Variants in COL5A1 observed in about 807,000 individuals in gnomAD.
The protein encoded by COL5A1 is collagen type V alpha 1 chain.
Under a neutral mutation model 263.7 loss-of-function variants are expected in COL5A1, and 16 were observed. That is an observed-to-expected ratio of 0.06 (90% confidence interval 0.04 to 0.09). COL5A1 has a LOEUF of 0.09. Among genes scored for constraint, COL5A1 ranks in the 10% least tolerant of loss-of-function variants. The pLI, the probability that COL5A1 is intolerant of heterozygous loss-of-function variation, is 1.00. For missense variants in COL5A1, 2,036 were observed against 2,540.5 expected, an observed-to-expected ratio of 0.80 and a Z score of 4.27; for synonymous variants, 1,012 against 1,004.5, an observed-to-expected ratio of 1.01 and a Z score of -0.14.
Position 134,784,971 on chromosome 9 carries a change from C to A in COL5A1, c.2485-18C>A. ...GTGCGGGGGGTGGTCTTCTCACCTC[C>A]TCTTTTCTGGCTTGCAGGGGGAGAT... is the stretch of plus-strand genomic sequence containing the variant. On this transcript the variant is annotated intron_variant, in intron 29 of 65. Coordinates refer to ENST00000371817, the MANE Select transcript of COL5A1 (RefSeq NM_000093.5). The A allele has an allele frequency of 6.4e-7, 1 of 1,552,576 alleles. No individual in the cohort carries two copies. Among genetic ancestry groups the A allele is most frequent in the Non-Finnish European group, 8.9e-7 (1 of 1,128,200 alleles).
At chr9:134,800,976 A>C (rs1414553969) in intron 37 of COL5A1, among the ~76,000 whole-genome samples, 1 of 152,124 alleles carries the variant, frequency 6.6e-6, no homozygotes, top group East Asian at 1.9e-4. Flanking sequence ...TGTCTCCACC[A>C]GTGTCATGTG....
intron 18 of COL5A1, among the ~76,000 whole-genome samples, chr9:134,760,744 GCA>G (rs1294318708): frequency 8.9e-5 from 9 of 100,950 alleles, no homozygotes; most frequent in South Asian, 3.7e-4. Flanking sequence ...CACCACACAT[GCA>G]CACACACCCC....
chr9:134,708,422 G>C (rs116312634), intron 4 of COL5A1: 6,231 of 408,468 alleles, frequency 0.015, 86 homozygotes, highest in South Asian at 0.019. Flanking sequence ...CAACTCCCGG[G>C]GTGGGGGCTC....
At chr9:134,721,577 A>G (rs1033718546) in intron 4 of COL5A1, among the ~76,000 whole-genome samples, 2 of 152,138 alleles carry the variant, frequency 1.3e-5, no homozygotes, top group African/African-American at 4.8e-5. Flanking sequence ...GGGCAGAGGC[A>G]GGTGTCTCAC....
chr9:134,823,553 A>G, intron 61 of COL5A1, 84 bp downstream of exon 61: 1 of 1,409,326 alleles, frequency 7.1e-7, no homozygotes. Flanking sequence ...TGTGTGTGTG[A>G]CCCCTCCTGA....
chr9:134,687,847 G>T (rs995290994), intron 1 of COL5A1, among the ~76,000 whole-genome samples: 1 of 152,200 alleles, frequency 6.6e-6, no homozygotes, highest in Non-Finnish European at 1.5e-5. Flanking sequence ...CCAGTGTGCG[G>T]TGGCCACTGT....
intron 64 of COL5A1, 125 bp downstream of exon 64, chr9:134,830,169 G>T (rs1839546736): frequency 1.9e-6 from 3 of 1,610,022 alleles, no homozygotes; most frequent in Non-Finnish European, 2.5e-6. Context: ...TACAAGCGGG[G>T]GTCCCTGGTA....
chr9:134,687,863 C>T (rs1364316133), intron 1 of COL5A1, among the ~76,000 whole-genome samples: 3 of 152,168 alleles, frequency 2.0e-5, no homozygotes, highest in African/African-American at 7.2e-5. Flanking sequence ...ACTGTTGATT[C>T]TGCAGCTTCT....
rs1205167823 is a variant in COL5A1, at chr9:134,798,460, C to G, written c.2951C>G (p.Thr984Ser). The G allele has an allele frequency of 4.3e-6, 7 of 1,613,946 alleles. No homozygotes were observed. Among genetic ancestry groups the G allele is most frequent in the Non-Finnish European group, 5.9e-6 (7 of 1,179,916 alleles). The change falls in exon 37 of 66, where the codon ACT becomes AGT. Residue 984 changes from threonine to serine, a missense_variant and splice_region_variant. Transcript: ENST00000371817. ...GGACACCCTGGACAGAGAGGCGAGA[C>G]TGTGAGTATCGAGGGTGCTGGGGGA... ...LPGHPGQRGE[T>S]GFQGKTGPPG...
At chr9:134,783,466 C>T (rs1160605130) in intron 29 of COL5A1, among the ~76,000 whole-genome samples, 3 of 152,076 alleles carry the variant, frequency 2.0e-5, no homozygotes, top group African/African-American at 7.2e-5. Flanking sequence ...CCAGGGTGGC[C>T]AAAAGACTCT....
chr9:134,692,432 C>T (rs1833319008), intron 2 of COL5A1, among the ~76,000 whole-genome samples: 1 of 152,200 alleles, frequency 6.6e-6, no homozygotes, highest in South Asian at 2.1e-4. Context: ...CCATGGAATC[C>T]TCACTTGGAC....
rs1238035370 is a variant in COL5A1, at chr9:134,647,611, C to A, written c.109+5315C>A. ...GCGACGTTTCTCTCCTTACCGTGAC[C>A]CGGCCCCAGCTGGACGGGAGAGGAG... On this transcript the variant is annotated intron_variant, in intron 1 of 65. Transcript: ENST00000371817. This position sits in a 1 kb window ranked among gnomAD's most constrained non-coding sequence, Gnocchi z 5.0. Among the ~76,000 whole-genome samples the A allele has an allele frequency of 6.6e-6, 1 of 152,184 alleles. No individual in the cohort carries two copies. The highest frequency in any genetic ancestry group is 2.1e-4 in the South Asian group (1 of 4,838).
Position 134,754,397 on chromosome 9 carries a change from G to C in COL5A1, c.1827+71G>C. The C allele has an allele frequency of 6.5e-7, 1 of 1,546,522 alleles. No individual in the cohort carries two copies. The highest frequency in any genetic ancestry group is 8.9e-7 in the Non-Finnish European group (1 of 1,119,340). On this transcript the variant is annotated intron_variant, in intron 16 of 65. Transcript: ENST00000371817. This position sits in a 1 kb window ranked among gnomAD's most constrained non-coding sequence, Gnocchi z 4.3. ...CTGGAGGAGCCCAAATCTGGGGTGC[G>C]GGCACCCCCAACAGCCAGCTGGGCC...
At chr9:134,825,288 C>T (rs533573631) in intron 62 of COL5A1, among the ~76,000 whole-genome samples, 2 of 152,274 alleles carry the variant, frequency 1.3e-5, no homozygotes, top group Admixed American at 6.5e-5. Flanking sequence ...GGGCAAACGG[C>T]CTTCAAACTC....
At position 134,700,821 on chromosome 9, in the gene COL5A1, A is replaced by G. The variant is rs1034994524; in HGVS notation, c.492-350A>G. Among the ~76,000 whole-genome samples, 4 of 152,120 alleles carry G rather than the reference A, an allele frequency of 2.6e-5. No homozygotes were observed. Among genetic ancestry groups the G allele is most frequent in the African/African-American group, 4.8e-5 (2 of 41,416 alleles). ...CCCTGCCATTCTCCCGATGGCTGTG[A>G]CCGCACCGCAGGGACCACGCTCCCA... On this transcript the variant is annotated intron_variant, in intron 3 of 65. Transcript: ENST00000371817. This position sits in a 1 kb window ranked among gnomAD's most constrained non-coding sequence, Gnocchi z 4.0.
In COL5A1 at chr9:134,670,625, C is replaced by T. The variant is rs552819227; in HGVS notation, c.110-20287C>T. Among the ~76,000 whole-genome samples, 115 of 152,324 alleles carry T rather than the reference C, an allele frequency of 7.5e-4. 1 individual carries two copies. The highest frequency in any genetic ancestry group is 2.6e-3 in the African/African-American group (107 of 41,568). On this transcript the variant is annotated intron_variant, in intron 1 of 65. Transcript: ENST00000371817. ...TCGTTGTCTGGAGGATGGAGCAGCACTTCCTGCTCCACAGGCTGTCCCGAG... is the reference window on the plus strand; with the variant it reads ...TCGTTGTCTGGAGGATGGAGCAGCATTTCCTGCTCCACAGGCTGTCCCGAG...
In COL5A1 at chr9:134,681,381, G is replaced by T. The variant is rs1023778531; in HGVS notation, c.110-9531G>T. On this transcript the variant is annotated intron_variant, in intron 1 of 65. Coordinates refer to ENST00000371817, the MANE Select transcript of COL5A1 (RefSeq NM_000093.5). This position sits in a 1 kb window ranked among gnomAD's most constrained non-coding sequence, Gnocchi z 4.3. ...GAACAATTTCTGCGAGCATCTGCGG[G>T]TGCCGGGCTGTGCGGGGCCCCTGCC... Among the ~76,000 whole-genome samples the T allele has an allele frequency of 8.5e-5, 13 of 152,252 alleles. No individual in the cohort carries two copies. Among genetic ancestry groups the T allele is most frequent in the African/African-American group, 2.9e-4 (12 of 41,472 alleles).
intron 65 of COL5A1, among the ~76,000 whole-genome samples, chr9:134,839,577 G>A (rs759486173): frequency 5.9e-5 from 9 of 152,186 alleles, no homozygotes; most frequent in Non-Finnish European, 8.8e-5. Context: ...CTGACCTGTC[G>A]CCGAGCTCAC....
intron 43 of COL5A1, 144 bp downstream of exon 43, chr9:134,809,434 C>T (rs1838429287): frequency 1.4e-6 from 1 of 716,430 alleles, no homozygotes; most frequent in South Asian, 1.5e-5. Flanking sequence ...GCAGTCCTGG[C>T]ATTAGGGGAT....
Sources: gnomAD v4.1 joint callset for allele counts (sites outside exome capture counted in the v4.1 genomes callset) on GRCh38, gnomAD v4.1.1 for gene constraint, Gnocchi (gnomAD v3.1) non-coding constraint, MANE v1.5 for transcripts, NCBI Gene and HGNC (gene_info 2026-07-23, HGNC 2026-07-21) for gene names.